The following USP54 variants were observed in gnomAD, a reference collection of about 807,000 sequenced individuals.
USP54 encodes the protein ubiquitin carboxyl-terminal hydrolase 54.
USP54 carries 87 observed loss-of-function variants against 170.5 expected under a neutral mutation model. The observed-to-expected ratio is 0.51, with a 90% CI of 0.43 to 0.61. The LOEUF (loss-of-function observed/expected upper bound fraction) is 0.61, where lower values mean the gene tolerates loss of function less well. Ranked by LOEUF, USP54 falls within the 20% of genes least tolerant of loss-of-function variation. USP54 has a pLI of 0.00. For synonymous variants in USP54, 655 were observed against 742.8 expected (o/e 0.88, Z 1.92); for missense variants, 1,786 against 2,047.8 (o/e 0.87, Z 2.47).
At chr10:73,587,907 T>A (rs750514161) in intron 1 of USP54, among the ~76,000 whole-genome samples, 4 of 152,206 alleles carry the variant, frequency 2.6e-5, no homozygotes, top group Non-Finnish European at 4.4e-5. Flanking sequence ...TCAGGCCATT[T>A]ACTACCTATA....
chr10:73,625,217 GC>G (rs1167780607), intron 1 of USP54, among the ~76,000 whole-genome samples: 1 of 96,142 alleles, frequency 1.0e-5, no homozygotes, highest in Non-Finnish European at 2.0e-5. Flanking sequence ...GCTCTCTCCC[GC>G]CCCCCTACCC....
intron 4 of USP54, among the ~76,000 whole-genome samples, chr10:73,567,382 C>A (rs76786170): frequency 0.16 from 24,692 of 151,900 alleles, 3,300 homozygotes; most frequent in African/African-American, 0.35. Context: ...CTATAGAAAC[C>A]GTACTGGGCT....
intron 20 of USP54, chr10:73,507,085 T>C (rs1402386326): frequency 6.6e-6 from 1 of 152,002 alleles, no homozygotes; most frequent in African/African-American, 2.4e-5. Context: ...TTGAAGAAAT[T>C]TTAATGAAAC....
At chr10:73,537,846 A>G (rs1467401935) in intron 10 of USP54, 1 of 152,120 alleles carries the variant, frequency 6.6e-6, no homozygotes, top group Non-Finnish European at 1.5e-5. Flanking sequence ...GGCTGTGGCT[A>G]TGTGCAGCTC....
chr10:73,607,675 G>T (rs1044208602), intron 1 of USP54, among the ~76,000 whole-genome samples: 2 of 151,460 alleles, frequency 1.3e-5, no homozygotes, highest in Non-Finnish European at 2.9e-5. Context: ...TACTAAAAAC[G>T]CAAAAAATTT....
intron 1 of USP54, among the ~76,000 whole-genome samples, chr10:73,580,332 AAAAG>A (rs1191596877): frequency 6.6e-5 from 10 of 151,706 alleles, no homozygotes; most frequent in Non-Finnish European, 1.0e-4. Context: ...AAAAAAAAAA[AAAAG>A]AAAGAAAAAG....
chr10:73,513,902 C>A lies in USP54; in HGVS notation c.4051+2473G>T, dbSNP rs565040139. On this transcript the variant is annotated intron_variant, in intron 20 of 23. Transcript: ENST00000687698. Reference sequence around the variant, plus strand: ...CAATCTCAGTTCACTGCAACCTCCACCTCCTGGGTTCAAGCAATTCTCCTG... The same window carrying A: ...CAATCTCAGTTCACTGCAACCTCCAACTCCTGGGTTCAAGCAATTCTCCTG... Among the ~76,000 whole-genome samples, 486 of 152,218 alleles carry A rather than the reference C, an allele frequency of 3.2e-3. 2 individuals carry two copies. Among genetic ancestry groups the A allele is most frequent in the Non-Finnish European group, 5.0e-3 (338 of 68,008 alleles).
intron 18 of USP54, 161 bp from the exon 19 acceptor site, chr10:73,520,153 G>T: frequency 1.0e-6 from 1 of 977,038 alleles, no homozygotes; most frequent in Non-Finnish European, 1.5e-6. Flanking sequence ...AGGGCACACA[G>T]CTGCCTCTGG....
In USP54 at chr10:73,519,832, G is replaced by C; in HGVS notation, c.2643C>G (p.Leu881=). The C allele has an allele frequency of 1.9e-6, 3 of 1,614,072 alleles. No individual in the cohort carries two copies. The South Asian group carries it at 3.3e-5, about 18-fold the overall frequency. Residue 881 remains leucine, a synonymous_variant, in exon 19 of 24, where the codon CTC becomes CTG. Transcript: ENST00000687698. ...GAGAGAGAGTCCCCGCCTGTGTTGGGAGGCAGGCTGAGGGCTGCGACGGCT... is the reference window on the plus strand; with the variant it reads ...GAGAGAGAGTCCCCGCCTGTGTTGGCAGGCAGGCTGAGGGCTGCGACGGCT... ...PQQPSQPSAC[L]PTQAGTLSQP...
chr10:73,594,014 G>T (rs1300311555), upstream of USP54, among the ~76,000 whole-genome samples: 3 of 152,016 alleles, frequency 2.0e-5, no homozygotes, highest in Non-Finnish European at 4.4e-5. Context: ...TGCTGATGTC[G>T]GCAGTAAAGG....
At chr10:73,583,772 A>G (rs2077162129) in intron 1 of USP54, among the ~76,000 whole-genome samples, 1 of 152,030 alleles carries the variant, frequency 6.6e-6, no homozygotes, top group Admixed American at 6.6e-5. Context: ...AAAATAAATT[A>G]CAATTTAAAA....
chr10:73,613,132 C>CT (rs967595386), intron 1 of USP54, among the ~76,000 whole-genome samples: 4,979 of 127,372 alleles, frequency 0.039, 354 homozygotes, highest in African/African-American at 0.13. Context: ...ATTCCAGCCT[C>CT]TTTTTTTTTT....
intron 1 of USP54, among the ~76,000 whole-genome samples, chr10:73,607,552 CG>C (rs1196263608): frequency 1.3e-5 from 2 of 151,914 alleles, no homozygotes; most frequent in Admixed American, 6.6e-5. Flanking sequence ...AGAAGTAGGC[CG>C]GGTACGGTGG....
In USP54 at chr10:73,523,672, C is replaced by T. The variant is rs370753309; in HGVS notation, c.2273G>A (p.Arg758Gln). The T allele has an allele frequency of 3.1e-6, 5 of 1,613,918 alleles. 1 individual carries two copies. The South Asian group carries it at 3.3e-5, about 11-fold the overall frequency. ...CTCTAACTCCTTCTCCCGTTTTCTT[C>T]GAAGTTCCTGTTCCTGCGCCCTCCT... ...VARRAQEQELRRKREKELEAA... is the reference protein window; with the variant it reads ...VARRAQEQELQRKREKELEAA... The change falls in exon 17 of 24, where the codon CGA becomes CAA. Residue 758 changes from arginine to glutamine, a missense_variant. Arg to Gln is a conservative substitution (Grantham distance 43). This residue lies in a region of USP54 where 1,418 missense variants were observed against 1,569.0 expected (regional missense o/e 0.90). Coordinates refer to ENST00000687698, the MANE Select transcript of USP54 (RefSeq NM_001391956.1).
chr10:73,616,505 G>C (rs2080655132), intron 1 of USP54, among the ~76,000 whole-genome samples: 1 of 149,964 alleles, frequency 6.7e-6, no homozygotes, highest in Admixed American at 6.6e-5. Context: ...CTGTGCGGGG[G>C]TGGGAAGAGC....
rs145919102 is a variant in USP54, at chr10:73,504,545, G to C, written c.4311+305C>G. ...CCTTCTTTCTTTGATTAGTGCAGTG[G>C]GTTCTGACCCAATCAGCAGCCTTTG... On this transcript the variant is annotated intron_variant, in intron 22 of 23. Coordinates refer to ENST00000687698, the MANE Select transcript of USP54 (RefSeq NM_001391956.1). 7.7e-4 allele frequency: 286 copies of C among 369,984 alleles called. 1 individual carries two copies. Among genetic ancestry groups the C allele is most frequent in the African/African-American group, 5.4e-3 (267 of 49,208 alleles). 22.9% of individuals were successfully genotyped at this position (369,984 alleles called of 1,614,324 possible). A position where few individuals can be genotyped will look rare whatever the true frequency, so the allele number is the denominator to read the frequency against.
chr10:73,594,103 C>CTCTG (rs1589359052), upstream of USP54, among the ~76,000 whole-genome samples: 1 of 151,882 alleles, frequency 6.6e-6, no homozygotes, highest in East Asian at 1.9e-4. Flanking sequence ...CCAAGTCTTG[C>CTCTG]TCTGTCACCC....
chr10:73,590,509 AAT>A (rs1050277932), intron 1 of USP54, among the ~76,000 whole-genome samples: 1 of 152,198 alleles, frequency 6.6e-6, no homozygotes, highest in Non-Finnish European at 1.5e-5. Context: ...ATTTTTTTTT[AAT>A]ACACACACAA....
At chr10:73,516,282 G>C (rs2061065780) in intron 20 of USP54, 93 bp downstream of exon 20, 1 of 1,336,246 alleles carries the variant, frequency 7.5e-7, no homozygotes, top group Non-Finnish European at 1.0e-6. Flanking sequence ...GCTGGGGATA[G>C]TATCTGTATA....
Sources: allele counts gnomAD v4.1 joint callset (sites outside exome capture counted in the v4.1 genomes callset), GRCh38; gene constraint gnomAD v4.1.1; regional missense constraint gnomAD v4.1.1; transcripts MANE v1.5; gene names NCBI Gene and HGNC (gene_info 2026-07-23, HGNC 2026-07-21).